The following SHMT2 variants were observed in gnomAD, a reference collection of about 807,000 sequenced individuals.
The protein encoded by SHMT2 is serine hydroxymethyltransferase, mitochondrial.
Under a neutral mutation model 59.6 loss-of-function variants are expected in SHMT2, and 38 were observed. The ratio of observed to expected loss-of-function variants is 0.64; its 90% CI spans 0.49 to 0.84. The LOEUF is 0.84. Among genes scored for constraint, SHMT2 ranks in the 40% least tolerant of loss-of-function variants. The pLI is 0.00. For synonymous variants in SHMT2, 254 were observed against 258.1 expected, an observed-to-expected ratio of 0.98 and a Z score of 0.15; for missense variants, 533 against 659.5, an observed-to-expected ratio of 0.81 and a Z score of 2.10.
At chr12:57,230,479 T>C (rs1451212210) in intron 1 of SHMT2, 17 of 1,231,498 alleles carry the variant, frequency 1.4e-5, no homozygotes, top group Middle Eastern at 3.4e-4. Flanking sequence ...GGGAAGGTTC[T>C]GGAATCTCAG....
At chr12:57,230,134 A>T in intron 1 of SHMT2, 1 of 1,322,094 alleles carries the variant, frequency 7.6e-7, no homozygotes, top group Non-Finnish European at 9.8e-7. Flanking sequence ...TGGTCTCACA[A>T]GCTGAGCCTT....
At position 57,233,336 on chromosome 12, in the gene SHMT2, C is replaced by T. The variant is rs2037406723; in HGVS notation, c.1014C>T (p.Ala338=). 1 of 1,596,022 alleles carries T rather than the reference C, an allele frequency of 6.3e-7. No individual in the cohort carries two copies. Among genetic ancestry groups the T allele is most frequent in the Non-Finnish European group, 8.5e-7 (1 of 1,170,568 alleles). Residue 338 remains alanine, a synonymous_variant, in exon 8 of 12, where the codon GCC becomes GCT. Transcript: ENST00000328923. ...ATGCCATTGCTGCAGTAGCTGTGGC[C>T]CTAAAGCAGGTTGGGGATCCTGTCT... ...HNHAIAAVAV[A]LKQACTPMFR...
intron 4 of SHMT2, 52 bp from the exon 5 acceptor site, chr12:57,232,159 T>A: frequency 6.6e-7 from 1 of 1,523,238 alleles, no homozygotes; most frequent in Non-Finnish European, 9.1e-7. Context: ...AGGGAGTGGT[T>A]AAGTCCGGGG....
chr12:57,233,075 C>T (rs942461634), intron 7 of SHMT2, 105 bp from the exon 8 acceptor site: 8 of 1,368,124 alleles, frequency 5.8e-6, no homozygotes, highest in African/African-American at 2.9e-5. Flanking sequence ...GTACCAAGCC[C>T]ACGTGAGCTG....
At chr12:57,234,168 C>G in intron 11 of SHMT2, 58 bp downstream of exon 11, 2 of 1,613,512 alleles carry the variant, frequency 1.2e-6, no homozygotes, top group South Asian at 1.1e-5. Context: ...TCTGCTCCCT[C>G]CCCCAGCTGA....
At position 57,231,851 on chromosome 12, in the gene SHMT2, C is replaced by T; in HGVS notation, c.450C>T (p.Val150=). 1 of 1,614,102 alleles carries T rather than the reference C, an allele frequency of 6.2e-7. No homozygotes were observed. The highest frequency in any genetic ancestry group is 8.5e-7 in the Non-Finnish European group (1 of 1,179,988). Residue 150 remains valine, a synonymous_variant, in exon 4 of 12, where the codon GTC becomes GTT. Coordinates refer to ENST00000328923, the MANE Select transcript of SHMT2 (RefSeq NM_005412.6). Reference sequence around the variant, plus strand: ...CCGGGTCCCCAGCCAACCTGGCCGTCTACACAGCCCTTCTGCAACCTCACG... The same window carrying T: ...CCGGGTCCCCAGCCAACCTGGCCGTTTACACAGCCCTTCTGCAACCTCACG... ...PYSGSPANLA[V]YTALLQPHDR...
Position 57,232,167 on chromosome 12 carries a change from G to A in SHMT2, c.513-44G>A, listed in dbSNP as rs74093117. On this transcript the variant is annotated intron_variant, in intron 4 of 11. Transcript: ENST00000328923. ...GAGTTGAAGGGAGTGGTTAAGTCCG[G>A]GGGTCCTTCCACCCAGGCCTTCTTA... is the stretch of plus-strand genomic sequence containing the variant. 19,828 of 1,560,148 alleles carry A rather than the reference G, an allele frequency of 0.013. 423 individuals are homozygous for A. The highest frequency in any genetic ancestry group is 0.092 in the East Asian group (4,117 of 44,594).
intron 7 of SHMT2, 67 bp downstream of exon 7, chr12:57,232,910 C>T: frequency 1.3e-6 from 2 of 1,562,980 alleles, no homozygotes; most frequent in Non-Finnish European, 1.7e-6. Context: ...GCACTGTTGG[C>T]CTGGACCTGA....
At position 57,234,048 on chromosome 12, in the gene SHMT2, G is replaced by C. The variant is rs778832418; in HGVS notation, c.1325G>C (p.Arg442Pro). The C allele has an allele frequency of 6.2e-7, 1 of 1,614,164 alleles. No individual in the cohort carries two copies. Among genetic ancestry groups the C allele is most frequent in the Non-Finnish European group, 8.5e-7 (1 of 1,180,032 alleles). Reference protein sequence around the residue: ...TSRQFREDDFRRVVDFIDEGV... With the variant: ...TSRQFREDDFPRVVDFIDEGV... ...CGACAGTTCCGTGAGGATGACTTCCGGAGAGTTGTGGACTTTATAGATGAA... is the reference window on the plus strand; with the variant it reads ...CGACAGTTCCGTGAGGATGACTTCCCGAGAGTTGTGGACTTTATAGATGAA... Residue 442 changes from arginine (R) to proline (P), a missense_variant, in exon 11 of 12, where the codon CGG (arginine) becomes CCG (proline). Transcript: ENST00000328923.
Position 57,232,718 on chromosome 12 carries a change from C to T in SHMT2, c.732C>T (p.Val244=), listed in dbSNP as rs1340348652. 3 of 1,608,282 alleles carry T rather than the reference C, an allele frequency of 1.9e-6. No individual in the cohort carries two copies. In the African/African-American group the frequency reaches 4.0e-5, roughly 21 times the overall value. Residue 244 remains valine, a synonymous_variant, in exon 7 of 12, where the codon GTC becomes GTT. Transcript: ENST00000328923. ...TACCTGCCCAGGTGTGTGATGAAGT[C>T]AAAGCACACCTGCTGGCAGACATGG... ...YARMREVCDE[V]KAHLLADMAH...
chr12:57,233,082 G>A, intron 7 of SHMT2, 98 bp from the exon 8 acceptor site: 3 of 1,394,004 alleles, frequency 2.2e-6, no homozygotes, highest in South Asian at 2.8e-5. Context: ...GCCCACGTGA[G>A]CTGTGCCCTT....
In SHMT2 at chr12:57,232,370, G is replaced by T. The variant is rs78650532; in HGVS notation, c.594+78G>T. ...CCTGGAGAAGCTGAGGGCCTGGAGC[G>T]CCGGGCCGTCCTTAGGGTTAAGGAG... On this transcript the variant is annotated intron_variant, in intron 5 of 11. Transcript: ENST00000328923. 2.4e-3 allele frequency: 3,913 copies of T among 1,613,148 alleles called. 12 individuals carry two copies. Among genetic ancestry groups the T allele is most frequent in the Non-Finnish European group, 3.0e-3 (3,566 of 1,179,162 alleles).
chr12:57,229,796 G>C lies in SHMT2; in HGVS notation c.18G>C (p.Leu6Phe). Reference protein sequence around the residue: MLYFSLFWAARPLQRC... With the variant: MLYFSFFWAARPLQRC... ...GAGTTGCGATGCTGTACTTCTCTTT[G>C]TTTTGGGCGGCTCGGGTAAGAATGG... The change falls in exon 1 of 12, where the codon TTG becomes TTC. Residue 6 changes from leucine (L) to phenylalanine (F), a missense_variant. By Grantham distance (22) the Leu-to-Phe change is conservative. Transcript: ENST00000328923. 1 of 1,614,194 alleles carries C rather than the reference G, an allele frequency of 6.2e-7. No homozygotes were observed. The highest frequency in any genetic ancestry group is 8.5e-7 in the Non-Finnish European group (1 of 1,180,002).
rs546558473 is a variant in SHMT2, at chr12:57,230,487, C to T, written c.34-316C>T. ...TGTGGGTGGGAAGGTTCTGGAATCT[C>T]AGTTGCCCTCTCTGGAGTTGGGGAG... On this transcript the variant is annotated intron_variant, in intron 1 of 11. Coordinates refer to ENST00000328923, the MANE Select transcript of SHMT2 (RefSeq NM_005412.6). 7.2e-6 allele frequency: 9 copies of T among 1,243,076 alleles called. No individual in the cohort carries two copies. In the South Asian group the frequency reaches 8.5e-5, roughly 12 times the overall value. The allele number at this position is 1,243,076 out of a possible 1,614,324, so 77.0% of individuals were successfully genotyped here. A position where few individuals can be genotyped will look rare whatever the true frequency, so the allele number is the denominator to read the frequency against.
At chr12:57,233,142 T>A in intron 7 of SHMT2, 38 bp from the exon 8 acceptor site, 1 of 1,513,146 alleles carries the variant, frequency 6.6e-7, no homozygotes, top group Non-Finnish European at 8.9e-7. Context: ...CTTGTCCTTC[T>A]TTTCAGCTTA....
chr12:57,231,601 G>C (rs1237591419), intron 3 of SHMT2, 41 bp downstream of exon 3: 1 of 1,612,234 alleles, frequency 6.2e-7, no homozygotes, highest in East Asian at 2.2e-5. Context: ...TGCTCCCAGT[G>C]GGGGAACCCA....
At position 57,231,739 on chromosome 12, in the gene SHMT2, A is replaced by G; in HGVS notation, c.338A>G (p.Asp113Gly). Residue 113 changes from aspartate to glycine, a missense_variant, in exon 4 of 12, where the codon GAT becomes GGT. Physicochemically the swap from Asp to Gly is moderately conservative, Grantham distance 94. Transcript: ENST00000328923. ...KRYYGGAEVV[D>G]EIELLCQRRA... The stretch of plus-strand genomic sequence containing the variant: ...TACTATGGGGGAGCAGAGGTGGTGG[A>G]TGAAATTGAGCTGCTGTGCCAGCGC... 6.2e-7 allele frequency: 1 copy of G among 1,614,092 alleles called. No individual in the cohort carries two copies. Among genetic ancestry groups the G allele is most frequent in the African/African-American group, 1.3e-5 (1 of 75,016 alleles).
rs375353676 is a variant in SHMT2, at chr12:57,234,798, C to T, written c.*437C>T. The T allele has an allele frequency of 3.8e-5, 6 of 157,992 alleles. No homozygotes were observed. The highest frequency in any genetic ancestry group is 1.2e-4 in the African/African-American group (5 of 41,488). The allele number at this position is 157,992 out of a possible 1,614,324, so 9.8% of individuals were successfully genotyped here. Reference sequence around the variant, plus strand: ...GATTTGTCTCCCTCAATGTGTACACCGCTCCGCTCCCACCACCGCTACCAC... The same window carrying T: ...GATTTGTCTCCCTCAATGTGTACACTGCTCCGCTCCCACCACCGCTACCAC... On this transcript the variant is annotated 3_prime_UTR_variant, in exon 12 of 12. Transcript: ENST00000328923.
In SHMT2 at chr12:57,234,273, CAG is replaced by C; in HGVS notation, c.1429_1430del (p.Glu477AsnfsTer25). 1.2e-6 allele frequency: 2 copies of C among 1,613,848 alleles called. No individual in the cohort carries two copies. Among genetic ancestry groups the C allele is most frequent in the Non-Finnish European group, 1.7e-6 (2 of 1,179,820 alleles). ...TTCAAATCCTTCCTGCTTAAGGACT[CAG>C]AAACAAGTCAGCGTCTGGCCAACCT... On this transcript the variant is annotated frameshift_variant, in exon 12 of 12. Coordinates refer to ENST00000328923, the MANE Select transcript of SHMT2 (RefSeq NM_005412.6). LOFTEE classifies it high-confidence loss of function.
Sources: allele counts gnomAD v4.1 joint callset, GRCh38; gene constraint gnomAD v4.1.1; transcripts MANE v1.5; gene names NCBI Gene and HGNC (gene_info 2026-07-23, HGNC 2026-07-21).